Variants in CRISPLD1 observed in about 807,000 individuals in gnomAD.
The protein encoded by CRISPLD1 is cysteine-rich secretory protein LCCL domain-containing 1.
A neutral mutation model predicts 77.5 loss-of-function variants in CRISPLD1; 60 were observed. The observed-to-expected ratio is 0.77, with a 90% CI of 0.63 to 0.96. The LOEUF (loss-of-function observed/expected upper bound fraction) is 0.96, where lower values mean the gene tolerates loss of function less well. Ranked by LOEUF, CRISPLD1 falls within the 40% of genes least tolerant of loss-of-function variation. The pLI is 0.00. For synonymous variants in CRISPLD1, 195 were observed against 200.1 expected (o/e 0.97, Z 0.22); for missense variants, 623 against 615.8 (o/e 1.01, Z -0.12).
intron 12 of CRISPLD1, among the ~76,000 whole-genome samples, chr8:75,021,857 A>G (rs1813141708): frequency 6.6e-6 from 1 of 152,204 alleles, no homozygotes; most frequent in Non-Finnish European, 1.5e-5. Context: ...ATAAATATGT[A>G]TTAAATACCT....
In CRISPLD1 at chr8:75,019,864, C is replaced by T; in HGVS notation, c.1128-6C>T. The stretch of plus-strand genomic sequence containing the variant: ...ATAATTAACATTTCTGTATTTTTAC[C>T]TTCAGCAAATATCAGTCTGCTAATT... On this transcript the variant is annotated splice_region_variant and splice_polypyrimidine_tract_variant and intron_variant, in intron 10 of 14. Transcript: ENST00000262207. 1 of 1,607,042 alleles carries T rather than the reference C, an allele frequency of 6.2e-7. No homozygotes were observed. The highest frequency in any genetic ancestry group is 1.3e-5 in the African/African-American group (1 of 74,880).
At chr8:74,985,862 C>A in intron 1 of CRISPLD1, 64 bp from the exon 2 acceptor site, 1 of 1,058,384 alleles carries the variant, frequency 9.4e-7, no homozygotes, top group South Asian at 1.7e-5. Flanking sequence ...TTGTTTTGCT[C>A]GTGTTATTAG....
intron 10 of CRISPLD1, among the ~76,000 whole-genome samples, chr8:75,017,763 G>A (rs1235290460): frequency 6.6e-6 from 1 of 152,006 alleles, no homozygotes; most frequent in Non-Finnish European, 1.5e-5. Flanking sequence ...CCCTGAGAAG[G>A]GTAAGTAATT....
chr8:75,032,177 T>G lies in CRISPLD1; in HGVS notation c.1452-14T>G. On this transcript the variant is annotated splice_polypyrimidine_tract_variant and intron_variant, in intron 14 of 14. Transcript: ENST00000262207. ...GACATCAATATACTTTTCATATATT[T>G]TTTTTTTTTGCAGTTTACAGAATCC... The G allele has an allele frequency of 6.4e-7, 1 of 1,558,180 alleles. No individual in the cohort carries two copies. The highest frequency in any genetic ancestry group is 8.8e-7 in the Non-Finnish European group (1 of 1,139,566).
At chr8:74,994,946 T>G (rs965569991) in intron 2 of CRISPLD1, among the ~76,000 whole-genome samples, 4 of 152,186 alleles carry the variant, frequency 2.6e-5, no homozygotes, top group Admixed American at 2.0e-4. Flanking sequence ...GTGTGAGACA[T>G]ATTAAAATTG....
chr8:74,997,565 C>G (rs568781511), intron 2 of CRISPLD1, among the ~76,000 whole-genome samples: 130 of 152,236 alleles, frequency 8.5e-4, no homozygotes, highest in African/African-American at 3.0e-3. Flanking sequence ...ATTAGGAACT[C>G]TCTGAACTGA....
intron 1 of CRISPLD1, among the ~76,000 whole-genome samples, chr8:74,985,376 C>G (rs1020202487): frequency 1.3e-5 from 2 of 152,112 alleles, no homozygotes; most frequent in Middle Eastern, 3.2e-3. Flanking sequence ...TAGATGTAGC[C>G]ATGGATGCAT....
chr8:74,985,874 A>C, intron 1 of CRISPLD1, 52 bp from the exon 2 acceptor site: 1 of 1,237,988 alleles, frequency 8.1e-7, no homozygotes, highest in Admixed American at 2.3e-5. Flanking sequence ...TGTTATTAGA[A>C]AATTCATATC....
chr8:74,998,457 G>C (rs1014488336), intron 2 of CRISPLD1, among the ~76,000 whole-genome samples: 1 of 151,998 alleles, frequency 6.6e-6, no homozygotes, highest in Non-Finnish European at 1.5e-5. Context: ...TGGTTGCTGA[G>C]GCAGGTGGAT....
At chr8:75,020,197 A>G in intron 12 of CRISPLD1, 118 bp downstream of exon 12, 1 of 774,058 alleles carries the variant, frequency 1.3e-6, no homozygotes, top group Non-Finnish European at 2.2e-6. Flanking sequence ...GGAGGGAGCA[A>G]TGAAACATCA....
chr8:75,000,980 G>A (rs1240116951), intron 2 of CRISPLD1, among the ~76,000 whole-genome samples: 1 of 152,030 alleles, frequency 6.6e-6, no homozygotes, highest in African/African-American at 2.4e-5. Context: ...TCTTTTTAGT[G>A]AAAGCTTTTC....
At chr8:75,009,079 T>C (rs1812884011) in intron 2 of CRISPLD1, among the ~76,000 whole-genome samples, 1 of 152,058 alleles carries the variant, frequency 6.6e-6, no homozygotes, top group African/African-American at 2.4e-5. Context: ...CAAGAGTAAA[T>C]TGAACTTGAG....
At chr8:75,013,875 G>C in intron 4 of CRISPLD1, 112 bp from the exon 5 acceptor site, 2 of 700,724 alleles carry the variant, frequency 2.9e-6, no homozygotes, top group Non-Finnish European at 5.1e-6. Context: ...AGTTCATTTT[G>C]AATGATAAAC....
Position 74,984,845 on chromosome 8 carries a change from GT to G in CRISPLD1, c.-137del, listed in dbSNP as rs1812471988. 4.6e-5 allele frequency: 7 copies of G among 152,358 alleles called. No individual in the cohort carries two copies. The highest frequency in any genetic ancestry group is 1.7e-4 in the African/African-American group (7 of 41,448). 9.4% of individuals were successfully genotyped at this position (152,358 alleles called of 1,614,324 possible). A position where few individuals can be genotyped will look rare whatever the true frequency, so the allele number is the denominator to read the frequency against. ...CGGGGCTCTCCGTCTGCGGTCCCTT[GT>G]GAAGGCTCTGGGCGGCTGCAGAGGC... On this transcript the variant is annotated 5_prime_UTR_variant, in exon 1 of 15. Transcript: ENST00000262207.
chr8:75,014,871 C>G lies in CRISPLD1; in HGVS notation c.686C>G (p.Pro229Arg). ...GGGCGGCCCTGTTCTGCTTGCCCACCTAGTTTTGGAGGGGGCTGTAGAGAA... is the reference window on the plus strand; with the variant it reads ...GGGCGGCCCTGTTCTGCTTGCCCACGTAGTTTTGGAGGGGGCTGTAGAGAA... ...KHGRPCSACP[P>R]SFGGGCRENL... Residue 229 changes from proline (P) to arginine (R), a missense_variant, in exon 6 of 15, where the codon CCT (proline) becomes CGT (arginine). Pro to Arg is a moderately radical substitution (Grantham distance 103, BLOSUM62 -2). Transcript: ENST00000262207. 1 of 1,578,274 alleles carries G rather than the reference C, an allele frequency of 6.3e-7. No individual in the cohort carries two copies. The highest frequency in any genetic ancestry group is 8.6e-7 in the Non-Finnish European group (1 of 1,168,154).
At chr8:75,012,695 C>T in intron 3 of CRISPLD1, 144 bp downstream of exon 3, 2 of 808,392 alleles carry the variant, frequency 2.5e-6, no homozygotes, top group Admixed American at 2.7e-5. Flanking sequence ...AAATGCCACA[C>T]CAGAACAATC....
intron 1 of CRISPLD1, 80 bp downstream of exon 1, chr8:74,985,000 CT>C (rs1812474039): frequency 7.3e-6 from 1 of 137,280 alleles, no homozygotes; most frequent in African/African-American, 3.2e-5. Context: ...TTAAACTGTA[CT>C]TAAAAAAAAA....
intron 2 of CRISPLD1, among the ~76,000 whole-genome samples, chr8:75,006,579 C>G (rs1384936191): frequency 1.3e-5 from 2 of 152,066 alleles, no homozygotes; most frequent in Admixed American, 6.6e-5. Flanking sequence ...TAGGGACTAG[C>G]ATTTAACAAT....
At chr8:75,020,341 C>G (rs774177953) in intron 12 of CRISPLD1, among the ~76,000 whole-genome samples, 4 of 152,202 alleles carry the variant, frequency 2.6e-5, no homozygotes, top group Non-Finnish European at 5.9e-5. Context: ...CCTTATTAGT[C>G]TGCTGTGGCT....
Sources: gnomAD v4.1 joint callset for allele counts (sites outside exome capture counted in the v4.1 genomes callset) on GRCh38, gnomAD v4.1.1 for gene constraint, MANE v1.5 for transcripts, NCBI Gene and HGNC (gene_info 2026-07-23, HGNC 2026-07-21) for gene names.